HPN: variants seen among roughly 807,000 people sequenced by gnomAD.
HPN encodes hepsin, also known as serine protease hepsin.
A neutral mutation model predicts 55.9 loss-of-function variants in HPN; 13 were observed. The ratio of observed to expected loss-of-function variants is 0.23; its 90% CI spans 0.15 to 0.37. HPN has a LOEUF of 0.37. Among genes scored for constraint, HPN ranks in the 10% least tolerant of loss-of-function variants. The pLI is 1.00. For synonymous variants in HPN, 225 were observed against 240.3 expected (o/e 0.94, Z 0.59); for missense variants, 451 against 575.8 (o/e 0.78, Z 2.22).
chr19:35,043,023 G>T (rs2064309749), intron 2 of HPN, among the ~76,000 whole-genome samples: 1 of 152,134 alleles, frequency 6.6e-6, no homozygotes, highest in Admixed American at 6.6e-5. Flanking sequence ...CACACACCAG[G>T]CACTGGTCTG....
chr19:35,064,103 T>A, intron 9 of HPN, among the ~76,000 whole-genome samples: 1 of 152,046 alleles, frequency 6.6e-6, no homozygotes, highest in East Asian at 1.9e-4. Context: ...TGATTATTAT[T>A]TCCATTCTAC....
intron 4 of HPN, among the ~76,000 whole-genome samples, chr19:35,057,120 G>A (rs1481355583): frequency 6.6e-6 from 1 of 152,104 alleles, no homozygotes; most frequent in East Asian, 1.9e-4. Context: ...TGTATCAAGG[G>A]GCTTTAAAAT....
At chr19:35,050,914 CTTTTTTT>C (rs5827917) in intron 4 of HPN, among the ~76,000 whole-genome samples, 2 of 90,442 alleles carry the variant, frequency 2.2e-5, no homozygotes, top group South Asian at 4.0e-4. Flanking sequence ...TTCTTTCTTT[CTTTTTTT>C]TTTTTTTTTT....
intron 4 of HPN, among the ~76,000 whole-genome samples, chr19:35,053,606 G>T (rs921963120): frequency 3.3e-5 from 5 of 152,196 alleles, no homozygotes; most frequent in African/African-American, 9.7e-5. Flanking sequence ...TTAGCCGGGC[G>T]TGGTGGCTGG....
At chr19:35,052,528 CT>C (rs2151759198) in intron 4 of HPN, among the ~76,000 whole-genome samples, 1 of 80,720 alleles carries the variant, frequency 1.2e-5, no homozygotes, top group African/African-American at 5.3e-5. Flanking sequence ...GAGCAAGAGT[CT>C]GTCTCAAAAA....
Position 35,060,446 on chromosome 19 carries a change from C to T in HPN, c.554C>T (p.Ala185Val). ...PWQVSLRYDG[A>V]HLCGGSLLSG... ...CAAGTCAGCCTTCGCTATGATGGAG[C>T]ACACCTCTGTGGGGGATCCCTGCTC... The change falls in exon 8 of 13, where the codon GCA (alanine) becomes GTA (valine). Residue 185 changes from alanine (A) to valine (V), a missense_variant. This residue lies in a region of HPN where 378 missense variants were observed against 445.5 expected (regional missense o/e 0.85). Transcript: ENST00000672452. 6.2e-7 allele frequency: 1 copy of T among 1,613,442 alleles called. No individual in the cohort carries two copies. Among genetic ancestry groups the T allele is most frequent in the East Asian group, 2.2e-5 (1 of 44,880 alleles).
chr19:35,049,857 GTTTGTTTT>G (rs1341326864), intron 4 of HPN, among the ~76,000 whole-genome samples: 1 of 82,710 alleles, frequency 1.2e-5, no homozygotes, highest in Non-Finnish European at 2.4e-5. Flanking sequence ...GCTAATTTTT[GTTTGTTTT>G]TTTTTTTTTT....
chr19:35,064,324 CTCTCTCTCTCTCTCTTTCT>C (rs1253189677), intron 9 of HPN, among the ~76,000 whole-genome samples: 4 of 151,846 alleles, frequency 2.6e-5, no homozygotes, highest in Admixed American at 6.6e-5. Flanking sequence ...GAGTGTCTCT[CTCTCTCTCTCTCTCTTTCT>C]TCTCTCTCTC....
chr19:35,056,537 T>TCA (rs2064456941), intron 4 of HPN, among the ~76,000 whole-genome samples: 1 of 152,144 alleles, frequency 6.6e-6, no homozygotes, highest in Non-Finnish European at 1.5e-5. Context: ...ACATCTGTTC[T>TCA]CACCACAAAT....
chr19:35,055,866 T>C (rs544275470), intron 4 of HPN, among the ~76,000 whole-genome samples: 2 of 152,274 alleles, frequency 1.3e-5, no homozygotes, highest in East Asian at 3.9e-4. Context: ...GGTTCCCCAC[T>C]TGCAGCCAGA....
At chr19:35,054,878 A>G (rs2064440037) in intron 4 of HPN, among the ~76,000 whole-genome samples, 1 of 152,000 alleles carries the variant, frequency 6.6e-6, no homozygotes, top group South Asian at 2.1e-4. Flanking sequence ...CCTTGTCCCA[A>G]CCTGCGGGGC....
At chr19:35,054,608 C>T (rs2064437142) in intron 4 of HPN, among the ~76,000 whole-genome samples, 1 of 152,118 alleles carries the variant, frequency 6.6e-6, no homozygotes, top group Admixed American at 6.6e-5. Context: ...CTGTCCAGGG[C>T]AATGTTAAAA....
intron 4 of HPN, among the ~76,000 whole-genome samples, chr19:35,055,635 T>G (rs1320196953): frequency 1.3e-5 from 2 of 151,650 alleles, no homozygotes; most frequent in Non-Finnish European, 2.9e-5. Flanking sequence ...CTTCTCCCCG[T>G]CCACTGCCCC....
intron 4 of HPN, among the ~76,000 whole-genome samples, chr19:35,049,857 G>GTTTTTTTTTT (rs1245207536): frequency 1.2e-5 from 1 of 82,708 alleles, no homozygotes; most frequent in Non-Finnish European, 2.4e-5. Flanking sequence ...GCTAATTTTT[G>GTTTTTTTTTT]TTTGTTTTTT....
At chr19:35,040,838 G>A (rs571515874), upstream of HPN, among the ~76,000 whole-genome samples, 53 of 152,340 alleles carry the variant, frequency 3.5e-4, no homozygotes, top group Middle Eastern at 6.8e-3. Flanking sequence ...GCTGAGTGGA[G>A]GAAATGGGTG....
intron 4 of HPN, chr19:35,059,025 G>A (rs922039379): frequency 1.9e-5 from 3 of 157,092 alleles, no homozygotes; most frequent in South Asian, 1.9e-4. Flanking sequence ...TTTTCTTCCC[G>A]AATGTCCAAG....
intron 2 of HPN, among the ~76,000 whole-genome samples, chr19:35,048,779 G>C (rs1453129860): frequency 7.9e-5 from 12 of 152,090 alleles, no homozygotes; most frequent in Admixed American, 7.9e-4. Flanking sequence ...TTCAAGTGGA[G>C]GGGCAAATTT....
chr19:35,064,409 C>T (rs1029365036), intron 9 of HPN, among the ~76,000 whole-genome samples: 1 of 151,880 alleles, frequency 6.6e-6, no homozygotes, highest in Non-Finnish European at 1.5e-5. Flanking sequence ...AGTGCAATGG[C>T]GCAATCTCGG....
chr19:35,059,421 A>C (rs2064497178), intron 4 of HPN: 1 of 619,088 alleles, frequency 1.6e-6, no homozygotes, highest in African/African-American at 1.8e-5. Context: ...GGTCAAGGCT[A>C]CAGTGAGCCA....
Sources: allele counts gnomAD v4.1 joint callset (sites outside exome capture counted in the v4.1 genomes callset), GRCh38; gene constraint gnomAD v4.1.1; regional missense constraint gnomAD v4.1.1; transcripts MANE v1.5; gene names NCBI Gene and HGNC (gene_info 2026-07-23, HGNC 2026-07-21).